Variants in ETV5 observed in about 807,000 individuals in gnomAD.
The protein encoded by ETV5 is ETS variant transcription factor 5.
In ETV5, 10 loss-of-function variants were observed where a neutral mutation model predicts 70.0. The ratio of observed to expected loss-of-function variants is 0.14; its 90% CI spans 0.09 to 0.24. The LOEUF (loss-of-function observed/expected upper bound fraction) is 0.24, where lower values mean the gene tolerates loss of function less well. Among genes scored for constraint, ETV5 ranks in the 10% least tolerant of loss-of-function variants. The probability of loss-of-function intolerance (pLI) is 1.00; values close to 1 mark genes in which losing one functional copy is unlikely to be tolerated. For missense variants in ETV5, 453 were observed against 651.2 expected (o/e 0.70, Z 3.31); for synonymous variants, 216 against 242.2 (o/e 0.89, Z 1.01).
At position 186,066,004 on chromosome 3, in the gene ETV5, C is replaced by T. The variant is rs767684440; in HGVS notation, c.719G>A (p.Arg240His). 33 of 1,609,438 alleles carry T rather than the reference C, an allele frequency of 2.1e-5. No individual in the cohort carries two copies. The highest frequency in any genetic ancestry group is 9.0e-5 in the East Asian group (4 of 44,642). ...PPQPGVPGDNRPSYHRQMSEP... is the reference protein window; with the variant it reads ...PPQPGVPGDNHPSYHRQMSEP... ...TGACATTTGCCGATGGTAACTGGGG[C>T]GATTATCTCCAGGAACTCCTGGCTG... The change falls in exon 8 of 13, where the codon CGC becomes CAC. Residue 240 changes from arginine to histidine, a missense_variant. By Grantham distance (29) the Arg-to-His change is conservative. Around this residue, in one of 4 missense-constraint regions of ETV5, gnomAD observed 307 missense variants for 344.9 expected, o/e 0.89. Transcript: ENST00000306376.
intron 7 of ETV5, among the ~76,000 whole-genome samples, chr3:186,069,743 G>C (rs1261122215): frequency 6.6e-6 from 1 of 151,954 alleles, no homozygotes; most frequent in Admixed American, 6.6e-5. Context: ...TGATCTGCCT[G>C]TTTCAGCCTC....
At chr3:186,096,198 A>G (rs1250874312) in intron 5 of ETV5, among the ~76,000 whole-genome samples, 1 of 152,058 alleles carries the variant, frequency 6.6e-6, no homozygotes, top group Non-Finnish European at 1.5e-5. Flanking sequence ...AGAAGCAGAA[A>G]TTTTCTGAGT....
chr3:186,064,540 G>T, intron 8 of ETV5, 64 bp from the exon 9 acceptor site: 2 of 1,489,468 alleles, frequency 1.3e-6, no homozygotes, highest in South Asian at 1.1e-5. Flanking sequence ...ACAGCACATC[G>T]GTCAACTGCA....
At chr3:186,106,666 T>A (rs922865824) in intron 1 of ETV5, among the ~76,000 whole-genome samples, 1 of 152,306 alleles carries the variant, frequency 6.6e-6, no homozygotes, top group Admixed American at 6.5e-5. Context: ...TGTGGTACAA[T>A]GCATCTCTAC....
chr3:186,088,415 T>C (rs1184503260), intron 5 of ETV5, among the ~76,000 whole-genome samples: 1 of 152,190 alleles, frequency 6.6e-6, no homozygotes, highest in African/African-American at 2.4e-5. Context: ...TCCAGAGCCA[T>C]CATCCTGAAA....
At chr3:186,061,639 A>G (rs1166128117) in intron 9 of ETV5, among the ~76,000 whole-genome samples, 4 of 152,192 alleles carry the variant, frequency 2.6e-5, no homozygotes, top group African/African-American at 4.8e-5. Flanking sequence ...CCCTATTTCA[A>G]TGTTTAGAAG....
At chr3:186,049,097 T>C (rs1326977656) in intron 12 of ETV5, among the ~76,000 whole-genome samples, 2 of 152,156 alleles carry the variant, frequency 1.3e-5, no homozygotes, top group Non-Finnish European at 2.9e-5. Context: ...GATGGACTCT[T>C]AAAAGAAAAT....
At chr3:186,091,447 A>G (rs1714180755) in intron 5 of ETV5, among the ~76,000 whole-genome samples, 1 of 152,230 alleles carries the variant, frequency 6.6e-6, no homozygotes, top group Non-Finnish European at 1.5e-5. Context: ...AGATAGCAGA[A>G]TTCATCAGTG....
intron 5 of ETV5, among the ~76,000 whole-genome samples, chr3:186,100,845 A>T (rs1284622088): frequency 6.6e-6 from 1 of 152,218 alleles, no homozygotes. Flanking sequence ...GTTATTCAAG[A>T]TGCTAACAGG....
chr3:186,090,467 C>T (rs1714155002), intron 5 of ETV5, among the ~76,000 whole-genome samples: 1 of 152,212 alleles, frequency 6.6e-6, no homozygotes, highest in African/African-American at 2.4e-5. Flanking sequence ...AAATGATCAA[C>T]AAAAATAACA....
chr3:186,072,468 C>T (rs1024526506), intron 7 of ETV5, among the ~76,000 whole-genome samples: 1 of 152,104 alleles, frequency 6.6e-6, no homozygotes, highest in Admixed American at 6.5e-5. Flanking sequence ...ATCAAAGGAG[C>T]CCACTGGTTG....
At chr3:186,062,674 A>C (rs764783397) in intron 9 of ETV5, among the ~76,000 whole-genome samples, 1 of 152,184 alleles carries the variant, frequency 6.6e-6, no homozygotes, top group Non-Finnish European at 1.5e-5. Context: ...GGCTGCTATG[A>C]GAATTAAACA....
Position 186,078,150 on chromosome 3 carries a change from C to T in ETV5, c.650+1667G>A. The T allele has an allele frequency of 6.7e-6, 7 of 1,051,338 alleles. No homozygotes were observed. In the South Asian group the frequency reaches 1.4e-4, roughly 21 times the overall value. The allele number at this position is 1,051,338 out of a possible 1,614,324, so 65.1% of individuals were successfully genotyped here. ...TGGGGCTACCCATCTCCCAATTCTCCAGGAGAACTAGGATATTTGTCTCCC... is the reference window on the plus strand; with the variant it reads ...TGGGGCTACCCATCTCCCAATTCTCTAGGAGAACTAGGATATTTGTCTCCC... On this transcript the variant is annotated intron_variant, in intron 7 of 12. Transcript: ENST00000306376.
chr3:186,048,482 C>G lies in ETV5; in HGVS notation c.*157G>C. ...CCCACTCCCCAGCCAATGTATCTGTCTTTAAGGGTGCCAATCCAGAGACAG... is the reference window on the plus strand; with the variant it reads ...CCCACTCCCCAGCCAATGTATCTGTGTTTAAGGGTGCCAATCCAGAGACAG... On this transcript the variant is annotated 3_prime_UTR_variant, in exon 13 of 13. Coordinates refer to ENST00000306376, the MANE Select transcript of ETV5 (RefSeq NM_004454.3). 1 of 672,718 alleles carries G rather than the reference C, an allele frequency of 1.5e-6. No homozygotes were observed. Among genetic ancestry groups the G allele is most frequent in the East Asian group, 2.7e-5 (1 of 36,708 alleles). 41.7% of individuals were successfully genotyped at this position (672,718 alleles called of 1,614,324 possible). A position where few individuals can be genotyped will look rare whatever the true frequency, so the allele number is the denominator to read the frequency against.
At chr3:186,059,010 C>A (rs1162420283) in intron 9 of ETV5, among the ~76,000 whole-genome samples, 3 of 135,096 alleles carry the variant, frequency 2.2e-5, no homozygotes, top group Non-Finnish European at 3.1e-5. Flanking sequence ...GAGGCTCTGT[C>A]TCAAAAAAAA....
At chr3:186,092,600 AT>A (rs902377153) in intron 5 of ETV5, among the ~76,000 whole-genome samples, 1,531 of 141,844 alleles carry the variant, frequency 0.011, 6 homozygotes, top group African/African-American at 0.012. Context: ...ACGCAGCTAC[AT>A]TTTTTTTTTT....
In ETV5 at chr3:186,057,460, G is replaced by A; in HGVS notation, c.1002C>T (p.Tyr334=). The change falls in exon 10 of 13, where the codon TAC becomes TAT. Residue 334 remains tyrosine, a synonymous_variant. Transcript: ENST00000306376. The surrounding 1 kb of genome is among the most constrained non-coding windows in gnomAD (Gnocchi z 4.9). ...GFSYEKDPRL[Y]FDDTCVVPER... is the part of the protein sequence containing the mutation. ...CAGGCACAACACAAGTGTCGTCAAA[G>A]TATAATCGGGGATCTTTTTCATATG... is the stretch of plus-strand genomic sequence containing the variant. The A allele has an allele frequency of 6.2e-7, 1 of 1,614,108 alleles. No homozygotes were observed. Among genetic ancestry groups the A allele is most frequent in the Non-Finnish European group, 8.5e-7 (1 of 1,179,956 alleles).
At chr3:186,062,598 C>T (rs776314508) in intron 9 of ETV5, among the ~76,000 whole-genome samples, 24 of 151,986 alleles carry the variant, frequency 1.6e-4, no homozygotes, top group Non-Finnish European at 2.1e-4. Context: ...TCCAGCCTGG[C>T]GACAGAGCAA....
At chr3:186,077,946 A>G (rs1380040592) in intron 7 of ETV5, 1 of 1,037,158 alleles carries the variant, frequency 9.6e-7, no homozygotes, top group Non-Finnish European at 1.2e-6. Flanking sequence ...GTAAGTCCAA[A>G]ATGCACAGGC....
Sources: gnomAD v4.1 joint callset for allele counts (sites outside exome capture counted in the v4.1 genomes callset) on GRCh38, gnomAD v4.1.1 for gene constraint, gnomAD v4.1.1 regional missense constraint, Gnocchi (gnomAD v3.1) non-coding constraint, MANE v1.5 for transcripts, NCBI Gene and HGNC (gene_info 2026-07-23, HGNC 2026-07-21) for gene names.